FANCM: variants seen among roughly 807,000 people sequenced by gnomAD.
FANCM encodes the protein FA complementation group M, also known as Fanconi anemia group M protein.
FANCM carries 140 observed loss-of-function variants against 199.5 expected under a neutral mutation model. The observed-to-expected ratio is 0.70, with a 90% CI of 0.61 to 0.81. FANCM has a LOEUF of 0.81. FANCM is among the 30% of genes least tolerant of loss of function. The pLI, the probability that FANCM is intolerant of heterozygous loss-of-function variation, is 0.00. For missense variants in FANCM, 2,410 were observed against 2,421.4 expected (o/e 1.00, Z 0.10); for synonymous variants, 840 against 836.8 (o/e 1.00, Z -0.07).
At position 45,196,566 on chromosome 14, in the gene FANCM, CT is replaced by C. The variant is rs1450951809; in HGVS notation, c.5716+22del. ...AAAACAGGTTTGTATTTTTAAATAT[CT>C]TTGTTTATAAGACTGTAAAGGAACT... On this transcript the variant is annotated intron_variant, in intron 21 of 22. Transcript: ENST00000267430. 1 of 1,608,320 alleles carries C rather than the reference CT, an allele frequency of 6.2e-7. No homozygotes were observed. The highest frequency in any genetic ancestry group is 1.3e-5 in the African/African-American group (1 of 74,974).
intron 3 of FANCM, among the ~76,000 whole-genome samples, chr14:45,148,200 A>ACACACACACACACACAC (rs1566731408): frequency 2.1e-5 from 3 of 142,354 alleles, no homozygotes; most frequent in Admixed American, 7.0e-5. Context: ...CCGTCTCAAA[A>ACACACACACACACACAC]ACACACACAC....
chr14:45,181,904 T>C, intron 16 of FANCM, among the ~76,000 whole-genome samples, 199 bp downstream of exon 16: 1 of 152,188 alleles, frequency 6.6e-6, no homozygotes, highest in East Asian at 1.9e-4. Context: ...GCACAATAAA[T>C]AAAAATATTA....
Position 45,167,178 on chromosome 14 carries a change from C to G in FANCM, c.2002+15C>G, listed in dbSNP as rs1200539253. The G allele has an allele frequency of 6.8e-7, 1 of 1,461,940 alleles. No homozygotes were observed. Among genetic ancestry groups the G allele is most frequent in the Admixed American group, 1.7e-5 (1 of 59,824 alleles). 90.6% of individuals were successfully genotyped at this position (1,461,940 alleles called of 1,614,324 possible). On this transcript the variant is annotated intron_variant, in intron 11 of 22. Transcript: ENST00000267430. ...CTATAGGGATGGTAAATAAATTTTG[C>G]ATTTGACACATGCATTTTTCCCCTG...
intron 9 of FANCM, among the ~76,000 whole-genome samples, chr14:45,162,918 C>A (rs1470293275): frequency 6.6e-6 from 1 of 151,322 alleles, no homozygotes; most frequent in East Asian, 1.9e-4. Context: ...GTGTTATATG[C>A]AGGTTGGCTT....
At chr14:45,140,218 T>G (rs1365928851) in intron 2 of FANCM, among the ~76,000 whole-genome samples, 1 of 151,696 alleles carries the variant, frequency 6.6e-6, no homozygotes, top group Non-Finnish European at 1.5e-5. Context: ...CTTAAAGCAG[T>G]CCTTTTGAGT....
In FANCM at chr14:45,137,259, C is replaced by G; in HGVS notation, c.681+18C>G. The G allele has an allele frequency of 6.2e-7, 1 of 1,605,066 alleles. No homozygotes were observed. Among genetic ancestry groups the G allele is most frequent in the Non-Finnish European group, 8.5e-7 (1 of 1,176,732 alleles). Reference sequence around the variant, plus strand: ...ATTGCCAGGTAATAATTTTGTTAAACGGTATTTTGTATTGTAACTGTACTG... The same window carrying G: ...ATTGCCAGGTAATAATTTTGTTAAAGGGTATTTTGTATTGTAACTGTACTG... On this transcript the variant is annotated intron_variant, in intron 2 of 22. Coordinates refer to ENST00000267430, the MANE Select transcript of FANCM (RefSeq NM_020937.4).
intron 7 of FANCM, 146 bp from the exon 8 acceptor site, chr14:45,155,227 A>G (rs912170159): frequency 7.6e-6 from 4 of 529,242 alleles, no homozygotes; most frequent in Non-Finnish European, 1.4e-5. Flanking sequence ...CTTACGTGCT[A>G]CCTAGATGTT....
At chr14:45,147,303 T>C (rs1886471718) in intron 3 of FANCM, among the ~76,000 whole-genome samples, 1 of 150,602 alleles carries the variant, frequency 6.6e-6, no homozygotes, top group African/African-American at 2.4e-5. Context: ...TTTTCTTTTC[T>C]TTTTCTTTCT....
chr14:45,181,431 T>C lies in FANCM; in HGVS notation c.4224T>C (p.Asp1408=). Residue 1408 remains aspartate, a splice_region_variant and synonymous_variant, in exon 15 of 23, where the codon GAT becomes GAC. Coordinates refer to ENST00000267430, the MANE Select transcript of FANCM (RefSeq NM_020937.4). Reference sequence around the variant, plus strand: ...ATTATTTTAAAAAATAAATTATAGATGGACAATTATTAACAAGTAACGAAA... The same window carrying C: ...ATTATTTTAAAAAATAAATTATAGACGGACAATTATTAACAAGTAACGAAA... ...YLHKSCHSVE[D]GQLLTSNESE... The C allele has an allele frequency of 6.5e-7, 1 of 1,530,140 alleles. No individual in the cohort carries two copies. Among genetic ancestry groups the C allele is most frequent in the Non-Finnish European group, 9.0e-7 (1 of 1,105,362 alleles). The allele number at this position is 1,530,140 out of a possible 1,614,324, so 94.8% of individuals were successfully genotyped here.
At chr14:45,144,708 G>C (rs1327111692) in intron 3 of FANCM, among the ~76,000 whole-genome samples, 1 of 152,146 alleles carries the variant, frequency 6.6e-6, no homozygotes. Flanking sequence ...GCTGAATGCT[G>C]CCAGGCCTGG....
chr14:45,159,290 T>G lies in FANCM; in HGVS notation c.1581+10T>G, dbSNP rs755108731. 1 of 1,602,320 alleles carries G rather than the reference T, an allele frequency of 6.2e-7. No homozygotes were observed. The highest frequency in any genetic ancestry group is 8.5e-7 in the Non-Finnish European group (1 of 1,170,262). On this transcript the variant is annotated intron_variant, in intron 9 of 22. Coordinates refer to ENST00000267430, the MANE Select transcript of FANCM (RefSeq NM_020937.4). Reference sequence around the variant, plus strand: ...GAAGGAGCAACTGGAGGTAATTATTTTTGGAATTGATAAAAATAAAAATAA... The same window carrying G: ...GAAGGAGCAACTGGAGGTAATTATTGTTGGAATTGATAAAAATAAAAATAA...
rs137965277 is a variant in FANCM at position 45,197,315 on chromosome 14, C to T, written c.5716+768C>T. On this transcript the variant is annotated intron_variant, in intron 21 of 22. Coordinates refer to ENST00000267430, the MANE Select transcript of FANCM (RefSeq NM_020937.4). ...AAAAGCATGTAGGTGAAAGCCACTG[C>T]GGAAGAATTGAAGAATTATACTTTT... Among the ~76,000 whole-genome samples the T allele has an allele frequency of 5.0e-3, 756 of 152,172 alleles. 9 individuals are homozygous for T. Among genetic ancestry groups the T allele is most frequent in the African/African-American group, 0.017 (703 of 41,500 alleles).
At chr14:45,149,756 T>C (rs1355716422) in intron 4 of FANCM, among the ~76,000 whole-genome samples, 1 of 152,118 alleles carries the variant, frequency 6.6e-6, no homozygotes, top group Non-Finnish European at 1.5e-5. Flanking sequence ...GGAAATTACT[T>C]CACCTACCTG....
Position 45,170,674 on chromosome 14 carries a change from C to A in FANCM, c.2088C>A (p.Asp696Glu). ...KLWNRLYRLR[D>E]SDEIKEITLP... ...GGAACAGACTTTATAGATTAAGGGA[C>A]AGTGATGAAATTAAAGAGATAACAT... is the stretch of plus-strand genomic sequence containing the variant. The change falls in exon 12 of 23, where the codon GAC becomes GAA. Residue 696 changes from aspartate to glutamate, a missense_variant. By Grantham distance (45) the Asp-to-Glu change is conservative. Transcript: ENST00000267430. The A allele has an allele frequency of 6.2e-7, 1 of 1,605,056 alleles. No homozygotes were observed. Among genetic ancestry groups the A allele is most frequent in the Non-Finnish European group, 8.5e-7 (1 of 1,171,932 alleles).
At chr14:45,184,898 C>T (rs1487848286) in intron 17 of FANCM, among the ~76,000 whole-genome samples, 4 of 150,752 alleles carry the variant, frequency 2.7e-5, no homozygotes, top group South Asian at 2.1e-4. Context: ...CTCAGCTTCC[C>T]GAGTAGCTGG....
intron 20 of FANCM, among the ~76,000 whole-genome samples, chr14:45,192,545 C>T (rs567850427): frequency 5.9e-5 from 9 of 152,136 alleles, no homozygotes; most frequent in South Asian, 2.1e-4. Flanking sequence ...CAGGAGGCTG[C>T]GCCAGGAGAA....
At chr14:45,177,272 G>A (rs1888772728) in intron 14 of FANCM, among the ~76,000 whole-genome samples, 1 of 152,122 alleles carries the variant, frequency 6.6e-6, no homozygotes, top group South Asian at 2.1e-4. Context: ...TGTGACATAC[G>A]TATTTGAAAA....
rs1890192566 is a variant in FANCM at position 45,198,560 on chromosome 14, G to GT, written c.5717-84_5717-83insT. On this transcript the variant is annotated intron_variant, in intron 21 of 22. Coordinates refer to ENST00000267430, the MANE Select transcript of FANCM (RefSeq NM_020937.4). ...AGTTTGCTCAATGGTGTAGATCTTGGGATTTTAATAAAATAAAGTATATTA... is the reference window on the plus strand; with the variant it reads ...AGTTTGCTCAATGGTGTAGATCTTGGTGATTTTAATAAAATAAAGTATATTA... 5 of 902,088 alleles carry GT rather than the reference G, an allele frequency of 5.5e-6. No individual in the cohort carries two copies. In the South Asian group the frequency reaches 5.8e-5, roughly 11 times the overall value. 55.9% of individuals were successfully genotyped at this position (902,088 alleles called of 1,614,324 possible). A position where few individuals can be genotyped will look rare whatever the true frequency, so the allele number is the denominator to read the frequency against.
At position 45,185,213 on chromosome 14, in the gene FANCM, T is replaced by A. The variant is rs767414624; in HGVS notation, c.4516-4T>A. 6.5e-7 allele frequency: 1 copy of A among 1,548,162 alleles called. No homozygotes were observed. Among genetic ancestry groups the A allele is most frequent in the Non-Finnish European group, 8.9e-7 (1 of 1,128,546 alleles). ...CTTCATGTTTTCTAATTTGTCTTAC[T>A]TAGCATGTAGCTAGGAAGTTTTTAG... On this transcript the variant is annotated splice_polypyrimidine_tract_variant and splice_region_variant and intron_variant, in intron 17 of 22. Transcript: ENST00000267430.
Sources: gnomAD v4.1 joint callset for allele counts (sites outside exome capture counted in the v4.1 genomes callset) on GRCh38, gnomAD v4.1.1 for gene constraint, MANE v1.5 for transcripts, NCBI Gene and HGNC (gene_info 2026-07-23, HGNC 2026-07-21) for gene names.